Variants in ZNF439 observed in about 807,000 individuals in gnomAD.
ZNF439 encodes the protein zinc finger protein 439.
ZNF439 carries 40 observed loss-of-function variants against 47.3 expected under a neutral mutation model. That is an observed-to-expected ratio of 0.85 (90% CI 0.66 to 1.10). ZNF439 has a LOEUF of 1.10. ZNF439 is among the 50% of genes least tolerant of loss of function. The probability of loss-of-function intolerance (pLI) is 0.00; values close to 1 mark genes in which losing one functional copy is unlikely to be tolerated. For synonymous variants in ZNF439, 171 were observed against 198.8 expected, an observed-to-expected ratio of 0.86 and a Z score of 1.18; for missense variants, 556 against 601.1, an observed-to-expected ratio of 0.93 and a Z score of 0.78.
chr19:11,867,844 A>G lies in ZNF439; in HGVS notation c.790A>G (p.Ile264Val). 2 of 1,613,844 alleles carry G rather than the reference A, an allele frequency of 1.2e-6. No homozygotes were observed. Among genetic ancestry groups the G allele is most frequent in the Middle Eastern group, 3.3e-4 (2 of 6,062 alleles). ...TTTTAGTTATTCTGCTACCCATCGA[A>G]TACATGAAAGAACTCACATTGGAGA... ...KSFSYSATHR[I>V]HERTHIGEKP... Residue 264 changes from isoleucine to valine, a missense_variant, in exon 4 of 4, where the codon ATA becomes GTA. Ile to Val is a conservative substitution (Grantham distance 29, BLOSUM62 3). Transcript: ENST00000682736.
intron 1 of ZNF439, among the ~76,000 whole-genome samples, chr19:11,851,409 G>T (rs1449731512): frequency 6.6e-6 from 1 of 152,178 alleles, no homozygotes; most frequent in East Asian, 1.9e-4. Context: ...GGGACATCGG[G>T]ACATTCTGTC....
In ZNF439 at chr19:11,868,606, G is replaced by A; in HGVS notation, c.*37G>A. 1 of 1,565,282 alleles carries A rather than the reference G, an allele frequency of 6.4e-7. No individual in the cohort carries two copies. The highest frequency in any genetic ancestry group is 1.4e-5 in the African/African-American group (1 of 72,362). On this transcript the variant is annotated 3_prime_UTR_variant, in exon 4 of 4. Transcript: ENST00000682736. ...ATGGGAAACACTTTTATTCTGCCAA[G>A]TTATTTCAAACACATGAAAAAATTC... is the stretch of plus-strand genomic sequence containing the variant.
At position 11,867,148 on chromosome 19, in the gene ZNF439, T is replaced by A. The variant is rs530377432; in HGVS notation, c.252-158T>A. On this transcript the variant is annotated intron_variant, in intron 3 of 3. Coordinates refer to ENST00000682736, the MANE Select transcript of ZNF439 (RefSeq NM_001348719.2). ...AAATAATAGGTATGGCTAGGTCACC[T>A]TGTAGAATGTGTTGTCCAGTCACCT... Among the ~76,000 whole-genome samples the A allele has an allele frequency of 3.0e-4, 46 of 152,358 alleles. No homozygotes were observed. The South Asian group carries it at 4.6e-3, about 15-fold the overall frequency.
chr19:11,865,946 G>A (rs1976667178), intron 1 of ZNF439: 1 of 1,096,928 alleles, frequency 9.1e-7, no homozygotes, highest in Non-Finnish European at 1.2e-6. Context: ...AGAAGCACTT[G>A]AACCCCGGCA....
chr19:11,868,832 TG>T lies in ZNF439; in HGVS notation c.*265del. ...AGAAACCCTATGAATGTAAGAAATG[TG>T]GAAAAGCGTTCCATAATTTCTCTTC... On this transcript the variant is annotated 3_prime_UTR_variant, in exon 4 of 4. Transcript: ENST00000682736. 1.9e-6 allele frequency: 1 copy of T among 528,094 alleles called. No homozygotes were observed. Among genetic ancestry groups the T allele is most frequent in the Non-Finnish European group, 3.5e-6 (1 of 285,738 alleles). The allele number at this position is 528,094 out of a possible 1,614,324, so 32.7% of individuals were successfully genotyped here. A position where few individuals can be genotyped will look rare whatever the true frequency, so the allele number is the denominator to read the frequency against.
At chr19:11,859,519 G>A (rs78796605) in intron 1 of ZNF439, among the ~76,000 whole-genome samples, 1,600 of 152,280 alleles carry the variant, frequency 0.011, 22 homozygotes, top group African/African-American at 0.037. Context: ...GGTATAAGGC[G>A]CATAGCACCA....
At chr19:11,865,458 G>C (rs1054908029) in intron 1 of ZNF439, among the ~76,000 whole-genome samples, 8 of 148,686 alleles carry the variant, frequency 5.4e-5, no homozygotes, top group Non-Finnish European at 1.0e-4. Context: ...TGTTTTGGGT[G>C]GTCCCTGGGG....
At chr19:11,859,430 C>T (rs1370789325) in intron 1 of ZNF439, among the ~76,000 whole-genome samples, 2 of 152,216 alleles carry the variant, frequency 1.3e-5, no homozygotes, top group Non-Finnish European at 2.9e-5. Flanking sequence ...GGTCTGCACA[C>T]ATTTCTTCCC....
chr19:11,862,391 G>T (rs546274823), intron 1 of ZNF439, among the ~76,000 whole-genome samples: 1 of 151,998 alleles, frequency 6.6e-6, no homozygotes, highest in Non-Finnish European at 1.5e-5. Context: ...AGACCAGCCT[G>T]GTAGATACAG....
chr19:11,866,597 G>A lies in ZNF439; in HGVS notation c.251G>A (p.Arg84Lys), dbSNP rs1389063720. ...YEYQNPRRNF[R>K]SVTEEKVNEI... ...TACCAAAACCCCAGGAGAAACTTCA[G>A]GTAATTTGCACTTATAAGAGAAAGC... is the stretch of plus-strand genomic sequence containing the variant. Residue 84 changes from arginine (R) to lysine (K), a missense_variant and splice_region_variant, in exon 3 of 4, where the codon AGG becomes AAG. Physicochemically the swap from Arg to Lys is conservative, Grantham distance 26 (BLOSUM62 2). Transcript: ENST00000682736. 1 of 1,612,930 alleles carries A rather than the reference G, an allele frequency of 6.2e-7. No individual in the cohort carries two copies. Among genetic ancestry groups the A allele is most frequent in the South Asian group, 1.1e-5 (1 of 90,978 alleles).
Position 11,859,100 on chromosome 19 carries a change from G to A in ZNF439, c.64-7105G>A, listed in dbSNP as rs977538890. ...GTGCTAGTGCACATTTACAATCTAC[G>A]TTTGCATTCTCAAAAGCTAAAGTTA... On this transcript the variant is annotated intron_variant, in intron 1 of 3. Coordinates refer to ENST00000682736, the MANE Select transcript of ZNF439 (RefSeq NM_001348719.2). 6.6e-5 allele frequency among the ~76,000 whole-genome samples: 10 copies of A among 152,126 alleles called. 1 individual carries two copies. The East Asian group carries it at 1.5e-3, about 24-fold the overall frequency.
Position 11,867,921 on chromosome 19 carries a change from C to T in ZNF439, c.867C>T (p.Ser289=). 6.2e-7 allele frequency: 1 copy of T among 1,613,992 alleles called. No homozygotes were observed. Among genetic ancestry groups the T allele is most frequent in the South Asian group, 1.1e-5 (1 of 91,070 alleles). ...ECGKAFHSPR[S]CHRHERSHMG... Reference sequence around the variant, plus strand: ...GGAAAGCATTCCATAGTCCCAGATCCTGTCACAGACATGAAAGGAGTCACA... The same window carrying T: ...GGAAAGCATTCCATAGTCCCAGATCTTGTCACAGACATGAAAGGAGTCACA... Residue 289 remains serine, a synonymous_variant, in exon 4 of 4, where the codon TCC becomes TCT. Coordinates refer to ENST00000682736, the MANE Select transcript of ZNF439 (RefSeq NM_001348719.2).
chr19:11,861,116 C>T (rs901713789), intron 1 of ZNF439, among the ~76,000 whole-genome samples: 8 of 152,192 alleles, frequency 5.3e-5, no homozygotes, highest in African/African-American at 1.9e-4. Context: ...GCCTCAAATC[C>T]TCCACCCTCA....
intron 1 of ZNF439, among the ~76,000 whole-genome samples, chr19:11,852,047 C>T (rs1335022992): frequency 6.6e-6 from 1 of 152,146 alleles, no homozygotes; most frequent in East Asian, 1.9e-4. Context: ...AGAGTGAATT[C>T]AACATTCCAA....
intron 1 of ZNF439, among the ~76,000 whole-genome samples, chr19:11,855,215 A>T (rs1976352943): frequency 1.3e-5 from 2 of 152,294 alleles, no homozygotes; most frequent in South Asian, 2.1e-4. Context: ...TCTAATTTTC[A>T]TCTTTTCCAT....
intron 1 of ZNF439, among the ~76,000 whole-genome samples, chr19:11,859,000 T>C (rs886833917): frequency 1.3e-5 from 2 of 152,218 alleles, no homozygotes; most frequent in Admixed American, 1.3e-4. Context: ...CCTAACATTG[T>C]AGAATGATAA....
rs969504191 is a variant in ZNF439 at position 11,867,554 on chromosome 19, A to C, written c.500A>C (p.Gln167Pro). 6.2e-7 allele frequency: 1 copy of C among 1,614,128 alleles called. No homozygotes were observed. The change falls in exon 4 of 4, where the codon CAA becomes CCA. Residue 167 changes from glutamine to proline, a missense_variant. Gln to Pro is a moderately conservative substitution (Grantham distance 76). Coordinates refer to ENST00000682736, the MANE Select transcript of ZNF439 (RefSeq NM_001348719.2). ...EYGPKPWKSQQPKKAFRYHPS... is the reference protein window; with the variant it reads ...EYGPKPWKSQPPKKAFRYHPS... ...GGACCAAAGCCATGGAAGAGTCAAC[A>C]ACCTAAAAAAGCCTTCAGATATCAC...
At chr19:11,863,487 T>C (rs1324874702) in intron 1 of ZNF439, among the ~76,000 whole-genome samples, 1 of 152,144 alleles carries the variant, frequency 6.6e-6, no homozygotes, top group African/African-American at 2.4e-5. Context: ...GTTGGCTTTT[T>C]TCTTATAGAA....
chr19:11,851,928 G>A (rs957419236), intron 1 of ZNF439, among the ~76,000 whole-genome samples: 4 of 152,156 alleles, frequency 2.6e-5, no homozygotes, highest in Admixed American at 6.5e-5. Flanking sequence ...GATTGCAGGC[G>A]TTAGCCAGTG....
Sources: allele counts gnomAD v4.1 joint callset (sites outside exome capture counted in the v4.1 genomes callset), GRCh38; gene constraint gnomAD v4.1.1; transcripts MANE v1.5; gene names NCBI Gene and HGNC (gene_info 2026-07-23, HGNC 2026-07-21).